Variants in RYR2 observed in about 807,000 individuals in gnomAD.
The protein encoded by RYR2 is ryanodine receptor 2, also known as cardiac muscle ryanodine receptor-calcium release channel.
A neutral mutation model predicts 601.1 loss-of-function variants in RYR2; 227 were observed. That is an observed-to-expected ratio of 0.38 (90% CI 0.34 to 0.42). RYR2 has a LOEUF of 0.42. Ranked by LOEUF, RYR2 falls within the 10% of genes least tolerant of loss-of-function variation. The pLI, the probability that RYR2 is intolerant of heterozygous loss-of-function variation, is 1.00. For missense variants in RYR2, 4,646 were observed against 6,156.5 expected (o/e 0.75, Z 8.21); for synonymous variants, 2,223 against 2,175.1 (o/e 1.02, Z -0.61).
Position 237,403,927 on chromosome 1 carries a change from G to T in RYR2, c.774-13122G>T, listed in dbSNP as rs112910508. On this transcript the variant is annotated intron_variant, in intron 10 of 104. Coordinates refer to ENST00000366574, the MANE Select transcript of RYR2 (RefSeq NM_001035.3). Reference sequence around the variant, plus strand: ...GAGTGAATAAAATAATGATAATGATGATTATAAAAACAGCAAAAACATCTT... The same window carrying T: ...GAGTGAATAAAATAATGATAATGATTATTATAAAAACAGCAAAAACATCTT... 3.3e-3 allele frequency among the ~76,000 whole-genome samples: 496 copies of T among 152,306 alleles called. 1 individual carries two copies. The highest frequency in any genetic ancestry group is 5.6e-3 in the Non-Finnish European group (384 of 68,020).
intron 2 of RYR2, among the ~76,000 whole-genome samples, chr1:237,284,208 C>T (rs2149392385): frequency 6.6e-6 from 1 of 152,066 alleles, no homozygotes; most frequent in Admixed American, 6.5e-5. Context: ...CATGGAGAAA[C>T]CCCATCTCTA....
chr1:237,310,315 T>C (rs1450479512), intron 2 of RYR2, among the ~76,000 whole-genome samples: 3 of 152,072 alleles, frequency 2.0e-5, no homozygotes, highest in Non-Finnish European at 2.9e-5. Flanking sequence ...GAAAGGAAAA[T>C]AAAAACTTGG....
chr1:237,814,268 GATTTA>G (rs1661549662), intron 100 of RYR2, among the ~76,000 whole-genome samples: 1 of 152,164 alleles, frequency 6.6e-6, no homozygotes, highest in Non-Finnish European at 1.5e-5. Flanking sequence ...AGGAAACAAA[GATTTA>G]ATTTCTTTAA....
intron 14 of RYR2, among the ~76,000 whole-genome samples, chr1:237,453,245 A>G (rs1412295854): frequency 6.6e-6 from 1 of 152,068 alleles, no homozygotes; most frequent in Non-Finnish European, 1.5e-5. Flanking sequence ...AGGTAGGTGA[A>G]TTCTGTTCAT....
At chr1:237,074,074 C>T (rs1485223809) in intron 1 of RYR2, among the ~76,000 whole-genome samples, 2 of 151,852 alleles carry the variant, frequency 1.3e-5, no homozygotes, top group Non-Finnish European at 1.5e-5. Flanking sequence ...CCCAGCTACT[C>T]AGGGGGCAGA....
intron 12 of RYR2, among the ~76,000 whole-genome samples, chr1:237,433,505 A>G (rs1254503374): frequency 6.7e-6 from 1 of 149,218 alleles, no homozygotes. Flanking sequence ...ATGAAAATAT[A>G]TATATTTTTA....
chr1:237,346,367 C>CA (rs397975831), intron 3 of RYR2, among the ~76,000 whole-genome samples: 2,315 of 62,232 alleles, frequency 0.037, 105 homozygotes, highest in African/African-American at 0.089. Flanking sequence ...GGGTCTACCT[C>CA]AAAAAAAAAA....
chr1:237,610,899 T>C lies in RYR2; in HGVS notation c.4821T>C (p.Asp1607=), dbSNP rs868510940. 6.2e-6 allele frequency: 10 copies of C among 1,613,508 alleles called. No homozygotes were observed. Among genetic ancestry groups the C allele is most frequent in the African/African-American group, 2.7e-5 (2 of 75,028 alleles). Residue 1607 remains aspartate (D), a synonymous_variant, in exon 36 of 105, where the codon GAT becomes GAC. Coordinates refer to ENST00000366574, the MANE Select transcript of RYR2 (RefSeq NM_001035.3). The surrounding 1 kb of genome is among the most constrained non-coding windows in gnomAD (Gnocchi z 4.9). The stretch of plus-strand genomic sequence containing the variant: ...TGCCCAACCAGTTTTTGAAGGTAGA[T>C]GTGTCTCGAATAAGTGAACGCCAAG... The part of the protein sequence containing the change: ...SRMPNQFLKV[D]VSRISERQGW...
rs147279201 is a variant in RYR2 at position 237,362,069 on chromosome 1, T to C, written c.295-2289T>C. On this transcript the variant is annotated intron_variant, in intron 4 of 104. Coordinates refer to ENST00000366574, the MANE Select transcript of RYR2 (RefSeq NM_001035.3). Reference sequence around the variant, plus strand: ...GCAATAGCAATTTCTCTTCCTGGCTTCCATGTTAATGTGGCATGTGCCCCC... The same window carrying C: ...GCAATAGCAATTTCTCTTCCTGGCTCCCATGTTAATGTGGCATGTGCCCCC... Among the ~76,000 whole-genome samples, 1,172 of 152,310 alleles carry C rather than the reference T, an allele frequency of 7.7e-3. 14 individuals carry two copies. The highest frequency in any genetic ancestry group is 0.012 in the Non-Finnish European group (826 of 68,016).
At chr1:237,663,353 T>C (rs1683986078) in intron 56 of RYR2, among the ~76,000 whole-genome samples, 1 of 152,240 alleles carries the variant, frequency 6.6e-6, no homozygotes. Flanking sequence ...GAACACTTTT[T>C]ATAGCATCAT....
chr1:237,522,115 C>T (rs901810012), intron 24 of RYR2, among the ~76,000 whole-genome samples: 1 of 152,012 alleles, frequency 6.6e-6, no homozygotes, highest in African/African-American at 2.4e-5. Context: ...TGCTATCCCT[C>T]CCCGCTCCCC....
intron 38 of RYR2, among the ~76,000 whole-genome samples, chr1:237,620,406 G>A (rs1479537430): frequency 1.3e-5 from 2 of 152,102 alleles, no homozygotes; most frequent in Non-Finnish European, 2.9e-5. Context: ...GCATAGCATA[G>A]CAAGTCAGTA....
At chr1:237,722,685 G>A (rs915313776) in intron 73 of RYR2, among the ~76,000 whole-genome samples, 11 of 152,010 alleles carry the variant, frequency 7.2e-5, no homozygotes, top group African/African-American at 2.4e-4. Context: ...CGCCCACCTC[G>A]GCCTCCCAAA....
intron 1 of RYR2, among the ~76,000 whole-genome samples, chr1:237,107,388 G>A (rs1668824195): frequency 1.3e-5 from 2 of 151,380 alleles, no homozygotes; most frequent in East Asian, 3.9e-4. Context: ...GGACGTGGTG[G>A]CGGGCGCCTG....
At chr1:237,071,562 CG>C (rs1368982664) in intron 1 of RYR2, among the ~76,000 whole-genome samples, 5 of 152,096 alleles carry the variant, frequency 3.3e-5, no homozygotes, top group African/African-American at 4.8e-5. Flanking sequence ...GGAGGAAGTG[CG>C]TGCTGATGGG....
chr1:237,764,361 C>T (rs1261765748), intron 84 of RYR2, among the ~76,000 whole-genome samples: 2 of 143,150 alleles, frequency 1.4e-5, no homozygotes, highest in Admixed American at 7.0e-5. Context: ...TGTTCATATT[C>T]TTCAGGGGCT....
At chr1:237,151,895 GT>G (rs1453379100) in intron 1 of RYR2, among the ~76,000 whole-genome samples, 18 of 152,170 alleles carry the variant, frequency 1.2e-4, no homozygotes, top group African/African-American at 4.3e-4. Flanking sequence ...GAATGTGCAG[GT>G]TTGTTACGTA....
At chr1:237,052,892 A>G (rs754222264) in intron 1 of RYR2, among the ~76,000 whole-genome samples, 3 of 152,080 alleles carry the variant, frequency 2.0e-5, no homozygotes, top group Non-Finnish European at 4.4e-5. Flanking sequence ...CTCTGTTGCC[A>G]GGCTGGAGTG....
intron 1 of RYR2, among the ~76,000 whole-genome samples, chr1:237,124,894 G>A (rs1401607203): frequency 1.3e-5 from 2 of 152,120 alleles, no homozygotes; most frequent in African/African-American, 4.8e-5. Context: ...TCACACATAT[G>A]TTGACTTATG....
Sources: allele counts gnomAD v4.1 joint callset (sites outside exome capture counted in the v4.1 genomes callset), GRCh38; gene constraint gnomAD v4.1.1; non-coding constraint Gnocchi (gnomAD v3.1); transcripts MANE v1.5; gene names NCBI Gene and HGNC (gene_info 2026-07-23, HGNC 2026-07-21).